The following MYOZ1 variants were observed in gnomAD, a reference collection of about 807,000 sequenced individuals.
The protein encoded by MYOZ1 is myozenin 1.
Under a neutral mutation model 28.7 loss-of-function variants are expected in MYOZ1, and 20 were observed. The ratio of observed to expected loss-of-function variants is 0.70; its 90% confidence interval spans 0.49 to 1.01. The LOEUF is 1.01. Ranked by LOEUF, MYOZ1 falls within the 50% of genes least tolerant of loss-of-function variation. The probability of loss-of-function intolerance (pLI) is 0.00; values close to 1 mark genes in which losing one functional copy is unlikely to be tolerated. For synonymous variants in MYOZ1, 144 were observed against 145.8 expected (o/e 0.99, Z 0.09); for missense variants, 371 against 372.4 (o/e 1.00, Z 0.03).
rs2081656951 is a variant in MYOZ1, at chr10:73,634,727, A to G, written c.259T>C (p.Phe87Leu). Residue 87 changes from phenylalanine to leucine, a missense_variant, in exon 4 of 6, where the codon TTC (phenylalanine) becomes CTC (leucine). By Grantham distance (22) the Phe-to-Leu change is conservative. Transcript: ENST00000359322. ...CCCACTGTTGGAAGGAACTTCTGGAAGTGATCCTGAAAAGAAGACAAAGTG... is the reference window on the plus strand; with the variant it reads ...CCCACTGTTGGAAGGAACTTCTGGAGGTGATCCTGAAAAGAAGACAAAGTG... ...DVFSDSSMDHFQKFLPTVGGQ... is the reference protein window; with the variant it reads ...DVFSDSSMDHLQKFLPTVGGQ... 1 of 1,611,678 alleles carries G rather than the reference A, an allele frequency of 6.2e-7. No homozygotes were observed. Among genetic ancestry groups the G allele is most frequent in the African/African-American group, 1.3e-5 (1 of 74,884 alleles).
chr10:73,631,938 C>T lies in MYOZ1; in HGVS notation c.892G>A (p.Glu298Lys). The T allele has an allele frequency of 6.2e-7, 1 of 1,613,698 alleles. No individual in the cohort carries two copies. Residue 298 changes from glutamate (E) to lysine (K), a missense_variant, in exon 6 of 6, where the codon GAG becomes AAG. Physicochemically the swap from Glu to Lys is moderately conservative, Grantham distance 56. Coordinates refer to ENST00000359322, the MANE Select transcript of MYOZ1 (RefSeq NM_021245.4). ...TCAGAGGAGGAAACACCTCACAGCT[C>T]CTCTGTTTCTCCATCCAAGGGGATG... ...IGIPLDGETEEL is the reference protein window; with the variant it reads ...IGIPLDGETEKL
At chr10:73,633,425 T>C (rs918454804) in intron 5 of MYOZ1, among the ~76,000 whole-genome samples, 1 of 152,126 alleles carries the variant, frequency 6.6e-6, no homozygotes, top group East Asian at 1.9e-4. Context: ...TAAAATGTTA[T>C]TCGCATTTAA....
At position 73,632,047 on chromosome 10, in the gene MYOZ1, G is replaced by A. The variant is rs2081638133; in HGVS notation, c.783C>T (p.Asn261=). ...LSEPLVLYNQ[N]LSNRPSFNRT... is the part of the protein sequence containing the mutation. Reference sequence around the variant, plus strand: ...GATTGAAAGAAGGCCTGTTGGAGAGGTTTTGGTTGTAGAGGACCAGGGGTT... The same window carrying A: ...GATTGAAAGAAGGCCTGTTGGAGAGATTTTGGTTGTAGAGGACCAGGGGTT... The change falls in exon 6 of 6, where the codon AAC becomes AAT. Residue 261 remains asparagine, a synonymous_variant. Transcript: ENST00000359322. 8 of 1,614,136 alleles carry A rather than the reference G, an allele frequency of 5.0e-6. No individual in the cohort carries two copies. In the East Asian group the frequency reaches 1.6e-4, roughly 31 times the overall value.
At position 73,631,761 on chromosome 10, in the gene MYOZ1, A is replaced by C; in HGVS notation, c.*169T>G. 1 of 616,166 alleles carries C rather than the reference A, an allele frequency of 1.6e-6. No homozygotes were observed. Among genetic ancestry groups the C allele is most frequent in the Non-Finnish European group, 2.8e-6 (1 of 352,706 alleles). The allele number at this position is 616,166 out of a possible 1,614,324, so 38.2% of individuals were successfully genotyped here. A position where few individuals can be genotyped will look rare whatever the true frequency, so the allele number is the denominator to read the frequency against. ...AAGGGGAGCTCTGAGTTGGTGAGGA[A>C]GGATGCGTGGAGTGGGGACTTGGAG... On this transcript the variant is annotated 3_prime_UTR_variant, in exon 6 of 6. Transcript: ENST00000359322.
chr10:73,638,089 T>C (rs542328583), intron 2 of MYOZ1, among the ~76,000 whole-genome samples, 167 bp from the exon 3 acceptor site: 6 of 152,168 alleles, frequency 3.9e-5, no homozygotes, highest in African/African-American at 1.2e-4. Context: ...TTCCTGGGAC[T>C]TGGAGAGAAT....
intron 3 of MYOZ1, 92 bp downstream of exon 3, chr10:73,637,652 G>T (rs2081675158): frequency 3.3e-6 from 4 of 1,215,994 alleles, no homozygotes; most frequent in African/African-American, 3.1e-5. Context: ...TCAGGGAGGG[G>T]ATGTTGACTG....
At chr10:73,633,633 G>A (rs1173328894) in intron 5 of MYOZ1, among the ~76,000 whole-genome samples, 1 of 152,140 alleles carries the variant, frequency 6.6e-6, no homozygotes, top group Non-Finnish European at 1.5e-5. Flanking sequence ...AGGCTCAGAG[G>A]TAGAGTGATT....
intron 1 of MYOZ1, 97 bp from the exon 2 acceptor site, chr10:73,640,132 C>T (rs2081694814): frequency 3.0e-6 from 3 of 1,004,006 alleles, no homozygotes; most frequent in African/African-American, 3.3e-5. Flanking sequence ...GGTTTAAGGG[C>T]TTGAGGGGAC....
chr10:73,632,618 C>A (rs535156447), intron 5 of MYOZ1, among the ~76,000 whole-genome samples: 14 of 147,846 alleles, frequency 9.5e-5, no homozygotes, highest in Admixed American at 1.4e-4. Flanking sequence ...TACAAACACC[C>A]CCCCCCCAAA....
chr10:73,633,347 A>G (rs2081647364), intron 5 of MYOZ1, among the ~76,000 whole-genome samples: 1 of 152,148 alleles, frequency 6.6e-6, no homozygotes, highest in Non-Finnish European at 1.5e-5. Flanking sequence ...AAATAGAATC[A>G]TATTACAGGG....
Position 73,631,684 on chromosome 10 carries a change from C to G in MYOZ1, c.*246G>C. ...TTTCCTTGAAGTTTATTGACTGTTACTGGTGGCAGAGCAAATTCCATAAAC... is the reference window on the plus strand; with the variant it reads ...TTTCCTTGAAGTTTATTGACTGTTAGTGGTGGCAGAGCAAATTCCATAAAC... On this transcript the variant is annotated 3_prime_UTR_variant, in exon 6 of 6. Coordinates refer to ENST00000359322, the MANE Select transcript of MYOZ1 (RefSeq NM_021245.4). The G allele has an allele frequency of 2.1e-6, 1 of 474,430 alleles. No homozygotes were observed. Among genetic ancestry groups the G allele is most frequent in the South Asian group, 2.6e-5 (1 of 37,822 alleles). 29.4% of individuals were successfully genotyped at this position (474,430 alleles called of 1,614,324 possible).
chr10:73,634,830 C>A, intron 3 of MYOZ1, 97 bp from the exon 4 acceptor site: 1 of 1,436,538 alleles, frequency 7.0e-7, no homozygotes, highest in Non-Finnish European at 9.4e-7. Context: ...AGTGGCTAAC[C>A]AGAAGACCCT....
At chr10:73,639,455 T>C (rs376485336) in intron 2 of MYOZ1, among the ~76,000 whole-genome samples, 1 of 152,166 alleles carries the variant, frequency 6.6e-6, no homozygotes, top group East Asian at 1.9e-4. Flanking sequence ...CCCTTTTCTT[T>C]CCCTCAGTGA....
At position 73,634,154 on chromosome 10, in the gene MYOZ1, G is replaced by T. The variant is rs908901249; in HGVS notation, c.503-89C>A. The T allele has an allele frequency of 6.3e-6, 9 of 1,438,900 alleles. No homozygotes were observed. The African/African-American group carries it at 1.1e-4, about 18-fold the overall frequency. 89.1% of individuals were successfully genotyped at this position (1,438,900 alleles called of 1,614,324 possible). A position where few individuals can be genotyped will look rare whatever the true frequency, so the allele number is the denominator to read the frequency against. Reference sequence around the variant, plus strand: ...CCCACGCCCCTACACTAGGGAAATTGCAAGAGCCAGGGACTAAAGATATAA... The same window carrying T: ...CCCACGCCCCTACACTAGGGAAATTTCAAGAGCCAGGGACTAAAGATATAA... On this transcript the variant is annotated intron_variant, in intron 4 of 5. Coordinates refer to ENST00000359322, the MANE Select transcript of MYOZ1 (RefSeq NM_021245.4).
At chr10:73,639,237 C>T (rs1241272987) in intron 2 of MYOZ1, among the ~76,000 whole-genome samples, 1 of 152,126 alleles carries the variant, frequency 6.6e-6, no homozygotes, top group African/African-American at 2.4e-5. Flanking sequence ...ATCGTCCCAC[C>T]TCAGCCTCTG....
intron 3 of MYOZ1, among the ~76,000 whole-genome samples, chr10:73,636,239 C>T (rs2081666656): frequency 1.3e-5 from 2 of 152,164 alleles, no homozygotes; most frequent in Admixed American, 6.6e-5. Flanking sequence ...CCAGTCTCCT[C>T]TTTCTTTGGA....
chr10:73,633,764 GC>G (rs1407601250), intron 5 of MYOZ1, 135 bp downstream of exon 5: 2 of 945,238 alleles, frequency 2.1e-6, no homozygotes, highest in Non-Finnish European at 3.1e-6. Flanking sequence ...AAAGAGCAGG[GC>G]CTTTGATTAG....
At chr10:73,639,793 C>A in intron 2 of MYOZ1, 152 bp downstream of exon 2, 1 of 668,136 alleles carries the variant, frequency 1.5e-6, no homozygotes, top group East Asian at 2.9e-5. Flanking sequence ...TCTCCTTACC[C>A]TTCTTAATCT....
In MYOZ1 at chr10:73,632,124, T is replaced by C; in HGVS notation, c.706A>G (p.Lys236Glu). ...MPYGGYEKAS[K>E]RMTFQMPKFD... ...TTGGGCATCTGGAAGGTCATGCGTT[T>C]GGAGGCCTTCTCATATCCACCATAG... The change falls in exon 6 of 6, where the codon AAA (lysine) becomes GAA (glutamate). Residue 236 changes from lysine to glutamate, a missense_variant. Lys to Glu is a moderately conservative substitution (Grantham distance 56). Coordinates refer to ENST00000359322, the MANE Select transcript of MYOZ1 (RefSeq NM_021245.4). The C allele has an allele frequency of 1.2e-6, 2 of 1,614,146 alleles. No individual in the cohort carries two copies. The highest frequency in any genetic ancestry group is 1.7e-6 in the Non-Finnish European group (2 of 1,180,016).
Sources: gnomAD v4.1 joint callset for allele counts (sites outside exome capture counted in the v4.1 genomes callset) on GRCh38, gnomAD v4.1.1 for gene constraint, MANE v1.5 for transcripts, NCBI Gene and HGNC (gene_info 2026-07-23, HGNC 2026-07-21) for gene names.